POLN: variants seen among roughly 807,000 people sequenced by gnomAD.
POLN encodes the protein DNA polymerase nu.
POLN carries 108 observed loss-of-function variants against 113.5 expected under a neutral mutation model. The observed-to-expected ratio is 0.95, with a 90% CI of 0.81 to 1.12. The LOEUF is 1.12. POLN is among the 50% of genes most tolerant of loss of function. POLN has a pLI of 0.00. For synonymous variants in POLN, 386 were observed against 391.5 expected (o/e 0.99, Z 0.17); for missense variants, 1,097 against 1,077.1 (o/e 1.02, Z -0.26).
chr4:2,081,157 G>A, intron 22 of POLN, 121 bp from the exon 23 acceptor site: 2 of 1,598,100 alleles, frequency 1.3e-6, no homozygotes, highest in Non-Finnish European at 8.5e-7. Context: ...GCTCTGAGCT[G>A]TCTGAGTGCC....
chr4:2,181,826 C>G (rs2108751904), intron 7 of POLN, among the ~76,000 whole-genome samples: 1 of 152,164 alleles, frequency 6.6e-6, no homozygotes, highest in East Asian at 1.9e-4. Context: ...CGGTGAAACC[C>G]TGTCTCTACT....
At chr4:2,072,334 G>A in intron 25 of POLN, 35 bp from the exon 26 acceptor site, 1 of 1,481,612 alleles carries the variant, frequency 6.7e-7, no homozygotes, top group Non-Finnish European at 8.9e-7. Flanking sequence ...CCCCACGCCT[G>A]GGCCAGCCAC....
intron 24 of POLN, 118 bp from the exon 25 acceptor site, chr4:2,073,147 C>T: frequency 1.1e-6 from 1 of 931,070 alleles, no homozygotes; most frequent in Non-Finnish European, 1.7e-6. Flanking sequence ...CCCTTGTTTC[C>T]TGTGTCCACT....
intron 11 of POLN, among the ~76,000 whole-genome samples, chr4:2,172,859 G>C (rs150419347): frequency 1.3e-5 from 2 of 152,180 alleles, no homozygotes; most frequent in Non-Finnish European, 2.9e-5. Flanking sequence ...TGCACTCAGA[G>C]GTACAGCGTG....
intron 16 of POLN, among the ~76,000 whole-genome samples, chr4:2,146,773 C>A (rs1458147767): frequency 6.6e-6 from 1 of 151,954 alleles, no homozygotes; most frequent in East Asian, 1.9e-4. Flanking sequence ...GATCTAGGGG[C>A]AGAAAAAGTA....
At chr4:2,096,810 C>T (rs1730808545) in intron 19 of POLN, among the ~76,000 whole-genome samples, 1 of 152,022 alleles carries the variant, frequency 6.6e-6, no homozygotes, top group Non-Finnish European at 1.5e-5. Flanking sequence ...GGGCCTCCTT[C>T]ATTGCTTAGC....
chr4:2,132,033 A>G (rs1394939622), intron 16 of POLN, among the ~76,000 whole-genome samples: 1 of 152,176 alleles, frequency 6.6e-6, no homozygotes, highest in Non-Finnish European at 1.5e-5. Context: ...CCAAGCATCA[A>G]AGTCCTGCAA....
At position 2,111,162 on chromosome 4, in the gene POLN, T is replaced by C. The variant is rs527488854; in HGVS notation, c.1983-15229A>G. Among the ~76,000 whole-genome samples, 332 of 152,290 alleles carry C rather than the reference T, an allele frequency of 2.2e-3. 1 individual carries two copies. Among genetic ancestry groups the C allele is most frequent in the African/African-American group, 7.4e-3 (306 of 41,568 alleles). On this transcript the variant is annotated intron_variant, in intron 19 of 25. Coordinates refer to ENST00000511885, the MANE Select transcript of POLN (RefSeq NM_181808.4). ...AACCACATGATTTTCTCAATAGATG[T>C]AGAAAAGGCCTTTGACAAAATTCAA...
At chr4:2,229,327 T>C (rs1734494677) in intron 2 of POLN, 84 bp from the exon 3 acceptor site, 1 of 1,080,328 alleles carries the variant, frequency 9.3e-7, no homozygotes, top group Non-Finnish European at 1.3e-6. Flanking sequence ...TTCAAAAATT[T>C]ATATACCAAC....
chr4:2,156,165 G>A lies in POLN; in HGVS notation c.1731+623C>T, dbSNP rs115675418. Among the ~76,000 whole-genome samples, 431 of 152,188 alleles carry A rather than the reference G, an allele frequency of 2.8e-3. 3 individuals carry two copies. The highest frequency in any genetic ancestry group is 9.8e-3 in the African/African-American group (406 of 41,518). ...TGTATTTTATAAATATATGTGCTTA[G>A]CAAAAAGTGTGGAAAGATAGATACC... On this transcript the variant is annotated intron_variant, in intron 16 of 25. Coordinates refer to ENST00000511885, the MANE Select transcript of POLN (RefSeq NM_181808.4).
intron 7 of POLN, among the ~76,000 whole-genome samples, chr4:2,190,023 C>CAAAAA (rs58730240): frequency 1.2e-5 from 1 of 86,136 alleles, no homozygotes; most frequent in Non-Finnish European, 2.9e-5. Context: ...GACTCCATCT[C>CAAAAA]AAAAAAAAAA....
intron 5 of POLN, among the ~76,000 whole-genome samples, chr4:2,201,863 G>C (rs1253256288): frequency 6.6e-6 from 1 of 152,192 alleles, no homozygotes; most frequent in East Asian, 1.9e-4. Flanking sequence ...CTCCAAGCTA[G>C]AAGGGACTGG....
At chr4:2,188,846 A>G (rs1733353798) in intron 7 of POLN, among the ~76,000 whole-genome samples, 2 of 152,192 alleles carry the variant, frequency 1.3e-5, no homozygotes, top group Non-Finnish European at 2.9e-5. Flanking sequence ...AAAAACACAT[A>G]AATCGAGGCA....
At chr4:2,133,826 A>C (rs555610751) in intron 16 of POLN, among the ~76,000 whole-genome samples, 5 of 152,228 alleles carry the variant, frequency 3.3e-5, no homozygotes, top group Admixed American at 3.3e-4. Context: ...TCTGTCTCCC[A>C]TCCTGAGATC....
rs533331545 is a variant in POLN at position 2,127,751 on chromosome 4, G to A, written c.1982+362C>T. Among the ~76,000 whole-genome samples, 10 of 152,380 alleles carry A rather than the reference G, an allele frequency of 6.6e-5. No individual in the cohort carries two copies. In the South Asian group the frequency reaches 1.0e-3, roughly 16 times the overall value. On this transcript the variant is annotated intron_variant, in intron 19 of 25. Transcript: ENST00000511885. The surrounding 1 kb of genome is among the most constrained non-coding windows in gnomAD (Gnocchi z 4.7). ...CCCTGGCCCACAGATGGGCTGGGGCGTGAGTACGCAGCAAGCACCTTGGCT... is the reference window on the plus strand; with the variant it reads ...CCCTGGCCCACAGATGGGCTGGGGCATGAGTACGCAGCAAGCACCTTGGCT...
intron 14 of POLN, among the ~76,000 whole-genome samples, chr4:2,158,492 C>A (rs1732494851): frequency 1.3e-5 from 2 of 152,136 alleles, no homozygotes; most frequent in African/African-American, 4.8e-5. Flanking sequence ...AATACCCTGA[C>A]ACAGTGTCTC....
chr4:2,144,934 G>C (rs1158781457), intron 16 of POLN, among the ~76,000 whole-genome samples: 1 of 152,200 alleles, frequency 6.6e-6, no homozygotes, highest in Non-Finnish European at 1.5e-5. Flanking sequence ...GAAGTTAAAA[G>C]AGTGGTAAGA....
At chr4:2,092,989 G>A (rs1730702831) in intron 20 of POLN, among the ~76,000 whole-genome samples, 1 of 152,212 alleles carries the variant, frequency 6.6e-6, no homozygotes, top group African/African-American at 2.4e-5. Context: ...GAGGCTCAGG[G>A]TGGGAACCCT....
chr4:2,186,618 T>A (rs1176129633), intron 7 of POLN, among the ~76,000 whole-genome samples: 1 of 151,996 alleles, frequency 6.6e-6, no homozygotes, highest in African/African-American at 2.4e-5. Flanking sequence ...TGACCAAAAA[T>A]CTCTGAGCAA....
Sources: gnomAD v4.1 joint callset for allele counts (sites outside exome capture counted in the v4.1 genomes callset) on GRCh38, gnomAD v4.1.1 for gene constraint, Gnocchi (gnomAD v3.1) non-coding constraint, MANE v1.5 for transcripts, NCBI Gene and HGNC (gene_info 2026-07-23, HGNC 2026-07-21) for gene names.